The following RPP30 variants were observed in gnomAD, a reference collection of about 807,000 sequenced individuals.
The protein encoded by RPP30 is ribonuclease P protein subunit p30.
A neutral mutation model predicts 38.6 loss-of-function variants in RPP30; 36 were observed. The observed-to-expected ratio is 0.93, with a 90% CI of 0.71 to 1.23. The LOEUF (loss-of-function observed/expected upper bound fraction) is 1.23, where lower values mean the gene tolerates loss of function less well. Among genes scored for constraint, RPP30 ranks in the 50% most tolerant of loss-of-function variants. The pLI is 0.00. For synonymous variants in RPP30, 126 were observed against 112.7 expected (o/e 1.12, Z -0.75); for missense variants, 321 against 321.7 (o/e 1.00, Z 0.02).
downstream of RPP30, chr10:90,902,410 G>T: frequency 3.3e-6 from 1 of 306,528 alleles, no homozygotes; most frequent in Non-Finnish European, 6.7e-6. Context: ...TGTAGAGATG[G>T]GGTTTTGCCA....
Position 90,876,114 on chromosome 10 carries a change from T to G in RPP30, c.270+16T>G. On this transcript the variant is annotated intron_variant, in intron 4 of 10. Transcript: ENST00000371703. ...CAATGTTTTGGTAAGTTAATTATTT[T>G]TCTTCTCTCCTTTTGGCTTTGTGAG... The G allele has an allele frequency of 6.1e-6, 9 of 1,477,290 alleles. No homozygotes were observed. Among genetic ancestry groups the G allele is most frequent in the Non-Finnish European group, 8.5e-6 (9 of 1,057,360 alleles). The allele number at this position is 1,477,290 out of a possible 1,614,324, so 91.5% of individuals were successfully genotyped here. A position where few individuals can be genotyped will look rare whatever the true frequency, so the allele number is the denominator to read the frequency against.
At chr10:90,900,424 A>T (rs1847186739) in intron 10 of RPP30, 146 bp from the exon 11 acceptor site, 1 of 708,096 alleles carries the variant, frequency 1.4e-6, no homozygotes, top group African/African-American at 1.8e-5. Context: ...AAAAAAAGAT[A>T]ATGACGGTAA....
intron 5 of RPP30, among the ~76,000 whole-genome samples, chr10:90,882,507 C>A (rs1846942670): frequency 6.6e-6 from 1 of 151,854 alleles, no homozygotes; most frequent in African/African-American, 2.4e-5. Context: ...ACTAAAAATT[C>A]AAAAAATTAG....
rs746046571 is a variant in RPP30, at chr10:90,896,372, G to A, written c.677G>A (p.Arg226Gln). Reference sequence around the variant, plus strand: ...AAGGCTGCGGTGTCCACCAACTGCCGAGCAGCGCTTCTCCATGGAGGTAAG... The same window carrying A: ...AAGGCTGCGGTGTCCACCAACTGCCAAGCAGCGCTTCTCCATGGAGGTAAG... Reference protein sequence around the residue: ...DAKAAVSTNCRAALLHGETRK... With the variant: ...DAKAAVSTNCQAALLHGETRK... Residue 226 changes from arginine (R) to glutamine (Q), a missense_variant, in exon 10 of 11, where the codon CGA becomes CAA. Arg to Gln is a conservative substitution (Grantham distance 43). Coordinates refer to ENST00000371703, the MANE Select transcript of RPP30 (RefSeq NM_006413.5). 1.2e-5 allele frequency: 19 copies of A among 1,613,886 alleles called. No homozygotes were observed. The highest frequency in any genetic ancestry group is 8.9e-5 in the East Asian group (4 of 44,890).
rs755762589 is a variant in RPP30, at chr10:90,895,839, AATAATTTTCTC to A, written c.580-37_580-27del. The A allele has an allele frequency of 2.8e-6, 4 of 1,418,568 alleles. No individual in the cohort carries two copies. The Admixed American group carries it at 7.9e-5, about 28-fold the overall frequency. The allele number at this position is 1,418,568 out of a possible 1,614,324, so 87.9% of individuals were successfully genotyped here. On this transcript the variant is annotated intron_variant, in intron 8 of 10. Transcript: ENST00000371703. ...TGCTATAAGTCATTGAAATGTTATA[AATAATTTTCTC>A]ATATCTACTCTTTGTTCATTTTATT...
In RPP30 at chr10:90,895,163, A is replaced by G. The variant is rs184640042; in HGVS notation, c.549+272A>G. The G allele has an allele frequency of 9.7e-4, 528 of 543,988 alleles. 1 individual carries two copies. Among genetic ancestry groups the G allele is most frequent in the African/African-American group, 8.8e-3 (460 of 52,428 alleles). The allele number at this position is 543,988 out of a possible 1,614,324, so 33.7% of individuals were successfully genotyped here. A position where few individuals can be genotyped will look rare whatever the true frequency, so the allele number is the denominator to read the frequency against. On this transcript the variant is annotated intron_variant, in intron 7 of 10. Coordinates refer to ENST00000371703, the MANE Select transcript of RPP30 (RefSeq NM_006413.5). ...TGTGAAAGAAAAGTCTAGAATAACA[A>G]TGGTCCTCACTGAGTTGAATTAAGA...
chr10:90,890,689 A>T (rs1847070554), intron 6 of RPP30, among the ~76,000 whole-genome samples: 1 of 152,180 alleles, frequency 6.6e-6, no homozygotes, highest in African/African-American at 2.4e-5. Flanking sequence ...GAAAAAAAAA[A>T]TGCAAACAAC....
In RPP30 at chr10:90,896,336, A is replaced by T. The variant is rs570515797; in HGVS notation, c.641A>T (p.Glu214Val). 6.2e-7 allele frequency: 1 copy of T among 1,614,096 alleles called. No homozygotes were observed. Among genetic ancestry groups the T allele is most frequent in the East Asian group, 2.2e-5 (1 of 44,878 alleles). Reference protein sequence around the residue: ...ANLGLLFGLSESDAKAAVSTN... With the variant: ...ANLGLLFGLSVSDAKAAVSTN... ...AGAGGCTTGCTGTTTGGGCTCTCTG[A>T]AAGTGACGCCAAGGCTGCGGTGTCC... The change falls in exon 10 of 11, where the codon GAA becomes GTA. Residue 214 changes from glutamate to valine, a missense_variant. Transcript: ENST00000371703.
In RPP30 at chr10:90,902,143, T is replaced by C. The variant is rs1229690364; in HGVS notation, c.*1464T>C. The C allele has an allele frequency of 1.0e-6, 1 of 988,744 alleles. No individual in the cohort carries two copies. Among genetic ancestry groups the C allele is most frequent in the Non-Finnish European group, 1.2e-6 (1 of 829,796 alleles). 61.2% of individuals were successfully genotyped at this position (988,744 alleles called of 1,614,324 possible). A position where few individuals can be genotyped will look rare whatever the true frequency, so the allele number is the denominator to read the frequency against. On this transcript the variant is annotated 3_prime_UTR_variant, in exon 11 of 11. Transcript: ENST00000371703. ...AGAGAAAGCTTTATAACCTCACCAA[T>C]GAATACAAATGTTTAAATAAAATAT... is the stretch of plus-strand genomic sequence containing the variant.
At chr10:90,895,991 GA>G in intron 9 of RPP30, 74 bp downstream of exon 9, 1 of 1,141,308 alleles carries the variant, frequency 8.8e-7, no homozygotes, top group Non-Finnish European at 1.3e-6. Context: ...TATTATAGTT[GA>G]ACATGTATTT....
chr10:90,908,055 A>G (rs1847272573), downstream of RPP30, among the ~76,000 whole-genome samples: 1 of 152,222 alleles, frequency 6.6e-6, no homozygotes, highest in Admixed American at 6.5e-5. Context: ...GGCAACTATA[A>G]CACAGTGGTA....
At chr10:90,875,705 C>T in intron 3 of RPP30, 91 bp downstream of exon 3, 1 of 1,095,532 alleles carries the variant, frequency 9.1e-7, no homozygotes, top group South Asian at 1.3e-5. Context: ...TGAGCTGCAC[C>T]TTACTCTGAG....
intron 10 of RPP30, among the ~76,000 whole-genome samples, chr10:90,896,674 C>T (rs1326733405): frequency 1.3e-5 from 2 of 152,086 alleles, no homozygotes; most frequent in Non-Finnish European, 2.9e-5. Flanking sequence ...TTCTAATCTC[C>T]CTTCCTTCTT....
At chr10:90,888,893 T>C (rs763513923) in intron 6 of RPP30, among the ~76,000 whole-genome samples, 16 of 152,180 alleles carry the variant, frequency 1.1e-4, no homozygotes, top group Non-Finnish European at 2.1e-4. Flanking sequence ...ACATTTTGCA[T>C]ATGTTGTTTA....
In RPP30 at chr10:90,878,026, G is replaced by A. The variant is rs941937655; in HGVS notation, c.271-1037G>A. 4.6e-5 allele frequency among the ~76,000 whole-genome samples: 7 copies of A among 152,326 alleles called. No homozygotes were observed. The East Asian group carries it at 1.4e-3, about 29-fold the overall frequency. On this transcript the variant is annotated intron_variant, in intron 4 of 10. Coordinates refer to ENST00000371703, the MANE Select transcript of RPP30 (RefSeq NM_006413.5). ...CTTTTGGTGTCTTACACACCTGCAA[G>A]GCAGCATTCTGGTTCCTTAGGCCCA...
At chr10:90,880,829 T>G (rs1269338226) in intron 5 of RPP30, among the ~76,000 whole-genome samples, 2 of 97,168 alleles carry the variant, frequency 2.1e-5, no homozygotes, top group African/African-American at 1.2e-4. Context: ...CTGTAGAACT[T>G]TTTAAAATCA....
chr10:90,907,234 G>A (rs368952200), downstream of RPP30, among the ~76,000 whole-genome samples: 38 of 152,312 alleles, frequency 2.5e-4, 1 homozygote, highest in African/African-American at 8.9e-4. Context: ...GCACTGGCAA[G>A]AGAAATGTCT....
chr10:90,895,010 A>G (rs1312043694), intron 7 of RPP30, 119 bp downstream of exon 7: 1 of 797,538 alleles, frequency 1.3e-6, no homozygotes. Context: ...GCATAGGAAC[A>G]AATTCTGCCA....
intron 6 of RPP30, among the ~76,000 whole-genome samples, chr10:90,893,285 G>C (rs762816712): frequency 1.3e-5 from 2 of 152,118 alleles, no homozygotes; most frequent in Non-Finnish European, 1.5e-5. Context: ...TCTAGAAAAA[G>C]ACAAGTTTCT....
Sources: allele counts gnomAD v4.1 joint callset (sites outside exome capture counted in the v4.1 genomes callset), GRCh38; gene constraint gnomAD v4.1.1; transcripts MANE v1.5; gene names NCBI Gene and HGNC (gene_info 2026-07-23, HGNC 2026-07-21).